The following ITCH variants were observed in gnomAD, a reference collection of about 807,000 sequenced individuals.
The protein encoded by ITCH is itchy E3 ubiquitin protein ligase, also known as E3 ubiquitin-protein ligase Itchy homolog.
Under a neutral mutation model 126.8 loss-of-function variants are expected in ITCH, and 28 were observed. The ratio of observed to expected loss-of-function variants is 0.22; its 90% CI spans 0.16 to 0.30. The LOEUF (loss-of-function observed/expected upper bound fraction) is 0.30, where lower values mean the gene tolerates loss of function less well. ITCH is among the 10% of genes least tolerant of loss of function. The pLI is 1.00. For missense variants in ITCH, 631 were observed against 1,032.4 expected, an observed-to-expected ratio of 0.61 and a Z score of 5.33; for synonymous variants, 342 against 340.0, an observed-to-expected ratio of 1.01 and a Z score of -0.06.
At chr20:34,428,837 G>A (rs886409853) in intron 7 of ITCH, among the ~76,000 whole-genome samples, 5 of 152,202 alleles carry the variant, frequency 3.3e-5, no homozygotes, top group Non-Finnish European at 7.3e-5. Context: ...TTATTTATAG[G>A]TCAGATGTAT....
At chr20:34,475,277 T>C (rs1283096347) in intron 16 of ITCH, among the ~76,000 whole-genome samples, 1 of 152,070 alleles carries the variant, frequency 6.6e-6, no homozygotes, top group Non-Finnish European at 1.5e-5. Context: ...GGCTGCAATC[T>C]CGGCACTTTG....
At chr20:34,434,622 G>A (rs914953013) in intron 7 of ITCH, among the ~76,000 whole-genome samples, 3 of 152,166 alleles carry the variant, frequency 2.0e-5, no homozygotes, top group African/African-American at 7.2e-5. Flanking sequence ...GAGATGGTTA[G>A]TGGCACAGAG....
chr20:34,471,484 G>C lies in ITCH; in HGVS notation c.1538G>C (p.Arg513Thr). 1 of 1,607,876 alleles carries C rather than the reference G, an allele frequency of 6.2e-7. No homozygotes were observed. Among genetic ancestry groups the C allele is most frequent in the Non-Finnish European group, 8.5e-7 (1 of 1,174,280 alleles). The change falls in exon 16 of 25, where the codon AGA becomes ACA. Residue 513 changes from arginine to threonine, a missense_variant. Transcript: ENST00000374864. The part of the protein sequence containing the change: ...MPQHIKITVT[R>T]KTLFEDSFQQ... The stretch of plus-strand genomic sequence containing the variant: ...CAGCACATAAAGATTACAGTGACAA[G>C]AAAAACATTGTTTGAGGATTCCTTT...
intron 15 of ITCH, among the ~76,000 whole-genome samples, chr20:34,470,674 C>T (rs759038207): frequency 6.6e-6 from 1 of 152,110 alleles, no homozygotes; most frequent in Non-Finnish European, 1.5e-5. Context: ...CTTACTGCAG[C>T]CTTGACCTCC....
At chr20:34,459,956 A>C (rs1986359035) in intron 13 of ITCH, among the ~76,000 whole-genome samples, 1 of 152,122 alleles carries the variant, frequency 6.6e-6, no homozygotes, top group Non-Finnish European at 1.5e-5. Flanking sequence ...CCTTTCTATA[A>C]TTTGCTGCCA....
At chr20:34,488,008 T>G (rs1330814171) in intron 20 of ITCH, among the ~76,000 whole-genome samples, 15 of 152,240 alleles carry the variant, frequency 9.9e-5, no homozygotes, top group Admixed American at 2.6e-4. Flanking sequence ...TGTGGTGTTG[T>G]TGTCATATAT....
intron 2 of ITCH, among the ~76,000 whole-genome samples, chr20:34,374,367 A>G (rs1271030018): frequency 6.6e-6 from 1 of 152,182 alleles, no homozygotes; most frequent in Non-Finnish European, 1.5e-5. Context: ...TAGTGGTGGT[A>G]TGATCTTGGC....
chr20:34,488,189 TA>T lies in ITCH; in HGVS notation c.2094-1066del, dbSNP rs1246884761. On this transcript the variant is annotated intron_variant, in intron 20 of 24. Coordinates refer to ENST00000374864, the MANE Select transcript of ITCH (RefSeq NM_031483.7). The stretch of plus-strand genomic sequence containing the variant: ...ATCTAAGATAATTTCCCTTTGGCTT[TA>T]AAAAAAAAAACCTTTCTTTACCATT... Among the ~76,000 whole-genome samples, 817 of 146,612 alleles carry T rather than the reference TA, an allele frequency of 5.6e-3. 7 individuals carry two copies. The highest frequency in any genetic ancestry group is 0.018 in the African/African-American group (717 of 40,284).
In ITCH at chr20:34,363,873, C is replaced by G. The variant is rs145174663; in HGVS notation, c.-99+524C>G. 2.4e-4 allele frequency among the ~76,000 whole-genome samples: 37 copies of G among 152,284 alleles called. No individual in the cohort carries two copies. The East Asian group carries it at 7.0e-3, about 29-fold the overall frequency. ...GCTGCCTCCCCTTCTCTCTCCCACT[C>G]GCCTCCTCCTTCCATTGTCCCCCCG... is the stretch of plus-strand genomic sequence containing the variant. On this transcript the variant is annotated intron_variant, in intron 1 of 24. Coordinates refer to ENST00000374864, the MANE Select transcript of ITCH (RefSeq NM_031483.7).
intron 11 of ITCH, among the ~76,000 whole-genome samples, chr20:34,447,977 CTTTG>C (rs1350431982): frequency 5.3e-5 from 8 of 152,130 alleles, no homozygotes; most frequent in African/African-American, 9.7e-5. Context: ...AACGTAAGGA[CTTTG>C]TTTGGGTCCT....
intron 23 of ITCH, among the ~76,000 whole-genome samples, chr20:34,502,864 C>CA (rs1471818933): frequency 6.6e-6 from 1 of 151,964 alleles, no homozygotes; most frequent in Non-Finnish European, 1.5e-5. Context: ...ACTAAAAATA[C>CA]AAAAATTAGT....
intron 3 of ITCH, chr20:34,401,731 T>G (rs1193512647): frequency 1.7e-6 from 1 of 602,840 alleles, no homozygotes; most frequent in African/African-American, 2.1e-5. Context: ...AAAAAAAGAC[T>G]GAAAAACAAA....
chr20:34,490,880 C>A (rs868866581), intron 22 of ITCH, among the ~76,000 whole-genome samples: 13 of 152,204 alleles, frequency 8.5e-5, no homozygotes, highest in Admixed American at 3.3e-4. Context: ...GATACTTGTA[C>A]ACCAGTATTC....
Position 34,504,531 on chromosome 20 carries a change from A to T in ITCH, c.2489+128A>T, listed in dbSNP as rs562337383. 16 of 702,826 alleles carry T rather than the reference A, an allele frequency of 2.3e-5. No individual in the cohort carries two copies. The South Asian group carries it at 2.4e-4, about 11-fold the overall frequency. 43.5% of individuals were successfully genotyped at this position (702,826 alleles called of 1,614,324 possible). Reference sequence around the variant, plus strand: ...AATAGCACAGCCATCATAGCAATCCAGTTTAAGAGCATTTTGTTCACCCCT... The same window carrying T: ...AATAGCACAGCCATCATAGCAATCCTGTTTAAGAGCATTTTGTTCACCCCT... On this transcript the variant is annotated intron_variant, in intron 24 of 24. Coordinates refer to ENST00000374864, the MANE Select transcript of ITCH (RefSeq NM_031483.7).
At chr20:34,390,608 C>A (rs953401465) in intron 2 of ITCH, among the ~76,000 whole-genome samples, 4 of 151,766 alleles carry the variant, frequency 2.6e-5, no homozygotes, top group Non-Finnish European at 5.9e-5. Flanking sequence ...TACCACCATA[C>A]CTGGCTAATG....
At chr20:34,380,587 C>T (rs1390114969) in intron 2 of ITCH, among the ~76,000 whole-genome samples, 1 of 132,860 alleles carries the variant, frequency 7.5e-6, no homozygotes, top group Non-Finnish European at 1.6e-5. Context: ...GCTTGTCTTT[C>T]CATTTTCTTA....
At chr20:34,375,696 A>ATTTTTTTT (rs5841171) in intron 2 of ITCH, among the ~76,000 whole-genome samples, 9 of 65,552 alleles carry the variant, frequency 1.4e-4, no homozygotes, top group African/African-American at 3.7e-4. Flanking sequence ...GGTAGTTAAA[A>ATTTTTTTT]TTTTTTTTTT....
In ITCH at chr20:34,481,157, A is replaced by G. The variant is rs760143427; in HGVS notation, c.2044A>G (p.Asn682Asp). The change falls in exon 20 of 25, where the codon AAT becomes GAT. Residue 682 changes from asparagine to aspartate, a missense_variant. Asn to Asp is a conservative substitution (Grantham distance 23, BLOSUM62 1). Coordinates refer to ENST00000374864, the MANE Select transcript of ITCH (RefSeq NM_031483.7). ...GEIKSHDLKPNGGNILVTEEN... is the reference protein window; with the variant it reads ...GEIKSHDLKPDGGNILVTEEN... ...AATTAAGAGTCATGATCTGAAACCTAATGGTGGCAATATTCTTGTAACAGA... is the reference window on the plus strand; with the variant it reads ...AATTAAGAGTCATGATCTGAAACCTGATGGTGGCAATATTCTTGTAACAGA... 3.7e-6 allele frequency: 6 copies of G among 1,613,256 alleles called. No homozygotes were observed. Among genetic ancestry groups the G allele is most frequent in the African/African-American group, 1.3e-5 (1 of 74,922 alleles).
At chr20:34,384,546 T>C (rs1368430656) in intron 2 of ITCH, among the ~76,000 whole-genome samples, 1 of 151,994 alleles carries the variant, frequency 6.6e-6, no homozygotes, top group Non-Finnish European at 1.5e-5. Context: ...CCCAAAGTGC[T>C]CAGATTATAG....
Sources: gnomAD v4.1 joint callset for allele counts (sites outside exome capture counted in the v4.1 genomes callset) on GRCh38, gnomAD v4.1.1 for gene constraint, MANE v1.5 for transcripts, NCBI Gene and HGNC (gene_info 2026-07-23, HGNC 2026-07-21) for gene names.